TJP3: variants seen among roughly 807,000 people sequenced by gnomAD.
The protein encoded by TJP3 is tight junction protein 3.
TJP3 carries 85 observed loss-of-function variants against 104.2 expected under a neutral mutation model. The ratio of observed to expected loss-of-function variants is 0.82; its 90% CI spans 0.68 to 0.98. The LOEUF (loss-of-function observed/expected upper bound fraction) is 0.98, where lower values mean the gene tolerates loss of function less well. TJP3 is among the 50% of genes least tolerant of loss of function. The probability of loss-of-function intolerance (pLI) is 0.00; values close to 1 mark genes in which losing one functional copy is unlikely to be tolerated. For synonymous variants in TJP3, 550 were observed against 550.6 expected (o/e 1.00, Z 0.02); for missense variants, 1,367 against 1,322.8 (o/e 1.03, Z -0.52).
chr19:3,749,188 C>G (rs1374642884), intron 19 of TJP3, among the ~76,000 whole-genome samples: 1 of 152,116 alleles, frequency 6.6e-6, no homozygotes, highest in African/African-American at 2.4e-5. Context: ...ATTTTAACCT[C>G]TCTGTGCACC....
At chr19:3,712,042 A>G (rs2036439264) in intron 1 of TJP3, among the ~76,000 whole-genome samples, 1 of 148,858 alleles carries the variant, frequency 6.7e-6, no homozygotes. Flanking sequence ...TGGACCAGAC[A>G]CGGTGGCTCA....
chr19:3,711,722 CT>C (rs111622716), intron 1 of TJP3, among the ~76,000 whole-genome samples: 85,353 of 121,498 alleles, frequency 0.7, 30,504 homozygotes, highest in East Asian at 0.99. Context: ...GAAACCCTGT[CT>C]CTACTAAAAG....
At chr19:3,716,795 A>ATTT (rs1199754819) in intron 1 of TJP3, among the ~76,000 whole-genome samples, 2 of 66,806 alleles carry the variant, frequency 3.0e-5, no homozygotes, top group African/African-American at 9.9e-5. Context: ...ATATATATAT[A>ATTT]TATATATTTT....
chr19:3,735,673 C>T, intron 9 of TJP3, 34 bp downstream of exon 9: 2 of 1,612,868 alleles, frequency 1.2e-6, no homozygotes, highest in Non-Finnish European at 1.7e-6. Context: ...CTGTCCCTGA[C>T]ATTTCTGATC....
rs1208327485 is a variant in TJP3, at chr19:3,746,045, C to G, written c.1974C>G (p.Ile658Met). ...CCAGGACCGACAGCCCCTCCAAGAT[C>G]ATCAAACTAGACACCGTGCGGGTGA... ...TVSRTDSPSK[I>M]IKLDTVRVIA... The change falls in exon 16 of 21, where the codon ATC becomes ATG. Residue 658 changes from isoleucine (I) to methionine (M), a missense_variant. Coordinates refer to ENST00000541714, the MANE Select transcript of TJP3 (RefSeq NM_001267560.2). This position sits in a 1 kb window ranked among gnomAD's most constrained non-coding sequence, Gnocchi z 4.1. The G allele has an allele frequency of 5.6e-6, 9 of 1,609,992 alleles. No individual in the cohort carries two copies. Among genetic ancestry groups the G allele is most frequent in the Non-Finnish European group, 7.6e-6 (9 of 1,178,142 alleles).
intron 5 of TJP3, among the ~76,000 whole-genome samples, chr19:3,731,284 C>T (rs948751537): frequency 4.6e-5 from 7 of 152,188 alleles, no homozygotes; most frequent in Non-Finnish European, 1.5e-5. Context: ...GGACCCTGAG[C>T]TCAGAGGTGA....
In TJP3 at chr19:3,724,639, T is replaced by C. The variant is rs560439754; in HGVS notation, c.-9-3785T>C. Among the ~76,000 whole-genome samples, 9 of 152,184 alleles carry C rather than the reference T, an allele frequency of 5.9e-5. 1 individual carries two copies. The South Asian group carries it at 1.9e-3, about 32-fold the overall frequency. On this transcript the variant is annotated intron_variant, in intron 1 of 20. Coordinates refer to ENST00000541714, the MANE Select transcript of TJP3 (RefSeq NM_001267560.2). ...GCAGCCTCGACCTCCTGGGCTCAGG[T>C]GATCCTTCTGCCTCAGCCTCTCGAG...
chr19:3,737,036 T>C lies in TJP3; in HGVS notation c.1284+715T>C, dbSNP rs537607334. On this transcript the variant is annotated intron_variant, in intron 11 of 20. Transcript: ENST00000541714. ...CTGGGATCACAGGTGGCCGCCACCA[T>C]GCCCAGCTAATTTTTGTGTTTTTAG... Among the ~76,000 whole-genome samples the C allele has an allele frequency of 2.6e-5, 4 of 151,236 alleles. No homozygotes were observed. The East Asian group carries it at 7.8e-4, about 29-fold the overall frequency.
intron 1 of TJP3, among the ~76,000 whole-genome samples, chr19:3,722,460 G>A (rs1201155804): frequency 1.3e-5 from 2 of 151,782 alleles, no homozygotes; most frequent in Non-Finnish European, 2.9e-5. Context: ...CTCCTACAAG[G>A]CTGCACGAGG....
chr19:3,738,021 C>T (rs958083768), intron 11 of TJP3, among the ~76,000 whole-genome samples: 1 of 151,768 alleles, frequency 6.6e-6, no homozygotes. Flanking sequence ...CATGTCATGA[C>T]CCTGAGAGCA....
intron 1 of TJP3, among the ~76,000 whole-genome samples, chr19:3,722,580 G>A (rs970682050): frequency 2.0e-5 from 3 of 150,974 alleles, no homozygotes; most frequent in African/African-American, 7.3e-5. Context: ...CGTGGCGGGG[G>A]CGGGGCGGGG....
chr19:3,741,517 C>T (rs11882403), intron 14 of TJP3, among the ~76,000 whole-genome samples: 29,141 of 148,024 alleles, frequency 0.2, 2,922 homozygotes, highest in South Asian at 0.28. Context: ...ATCCCAGCTA[C>T]TTGGGAGGCT....
At chr19:3,718,210 AAAGT>A (rs1226565033) in intron 1 of TJP3, among the ~76,000 whole-genome samples, 3 of 89,794 alleles carry the variant, frequency 3.3e-5, no homozygotes, top group African/African-American at 1.4e-4. Context: ...AAAAAAAAAA[AAAGT>A]GTGTGTGTGT....
At chr19:3,719,790 A>T (rs941392377) in intron 1 of TJP3, among the ~76,000 whole-genome samples, 1 of 151,976 alleles carries the variant, frequency 6.6e-6, no homozygotes, top group Non-Finnish European at 1.5e-5. Context: ...CGATGTGAGA[A>T]GGTGCGTTGA....
chr19:3,709,747 G>A (rs1279886921), intron 1 of TJP3, among the ~76,000 whole-genome samples: 2 of 152,112 alleles, frequency 1.3e-5, no homozygotes, highest in Non-Finnish European at 2.9e-5. Context: ...GGGGGTGGGC[G>A]ACATGGATCC....
At position 3,734,319 on chromosome 19, in the gene TJP3, C is replaced by T. The variant is rs566933653; in HGVS notation, c.878-8C>T. ...CCATGGCTGATGAGATGTCCTCTCC[C>T]CCTGCAGACATCTCGGACCTCGCCT... On this transcript the variant is annotated splice_polypyrimidine_tract_variant and splice_region_variant and intron_variant, in intron 7 of 20. Transcript: ENST00000541714. The T allele has an allele frequency of 2.7e-5, 44 of 1,612,912 alleles. No individual in the cohort carries two copies. In the Middle Eastern group the frequency reaches 4.9e-4, roughly 18 times the overall value.
Position 3,738,535 on chromosome 19 carries a change from C to A in TJP3, c.1285-20C>A. On this transcript the variant is annotated intron_variant, in intron 11 of 20. Transcript: ENST00000541714. Reference sequence around the variant, plus strand: ...AGAGGTACCAGAGCTTTTTCTATAGCTGCACTTGCTTTCTGGCAGGTGAAT... The same window carrying A: ...AGAGGTACCAGAGCTTTTTCTATAGATGCACTTGCTTTCTGGCAGGTGAAT... 1 of 1,605,744 alleles carries A rather than the reference C, an allele frequency of 6.2e-7. No individual in the cohort carries two copies. The highest frequency in any genetic ancestry group is 1.1e-5 in the South Asian group (1 of 90,456).
chr19:3,731,994 G>T lies in TJP3; in HGVS notation c.673G>T (p.Ala225Ser). The change falls in exon 6 of 21, where the codon GCT (alanine) becomes TCT (serine). Residue 225 changes from alanine to serine, a missense_variant. Ala to Ser is a moderately conservative substitution (Grantham distance 99, BLOSUM62 1). Transcript: ENST00000541714. Reference protein sequence around the residue: ...FIKHITDSGLAARHRGLQEGD... With the variant: ...FIKHITDSGLSARHRGLQEGD... ...CAAGCACATTACAGATTCGGGCCTG[G>T]CTGCCCGGCACCGTGGGCTGCAGGA... The T allele has an allele frequency of 6.2e-7, 1 of 1,613,480 alleles. No individual in the cohort carries two copies.
Position 3,716,799 on chromosome 19 carries a change from A to ATTTTTTTTT in TJP3, c.-10+8239_-10+8240insTTTTTTTTT, listed in dbSNP as rs1474982158. Among the ~76,000 whole-genome samples the ATTTTTTTTT allele has an allele frequency of 1.2e-4, 9 of 73,078 alleles. 1 individual carries two copies. Among genetic ancestry groups the ATTTTTTTTT allele is most frequent in the African/African-American group, 4.3e-4 (9 of 21,000 alleles). The allele number at this position is 73,078 out of a possible 152,430, so 47.9% of individuals were successfully genotyped here. On this transcript the variant is annotated intron_variant, in intron 1 of 20. Transcript: ENST00000541714. ...CTCATACATATATATATATATATATATATTTTTTTTTTTTTTTTGAAACAG... is the reference window on the plus strand; with the variant it reads ...CTCATACATATATATATATATATATATTTTTTTTTTATTTTTTTTTTTTTTTTGAAACAG...
Sources: allele counts gnomAD v4.1 joint callset (sites outside exome capture counted in the v4.1 genomes callset), GRCh38; gene constraint gnomAD v4.1.1; non-coding constraint Gnocchi (gnomAD v3.1); transcripts MANE v1.5; gene names NCBI Gene and HGNC (gene_info 2026-07-23, HGNC 2026-07-21).